Variants in TCEA3 observed in about 807,000 individuals in gnomAD.
TCEA3 encodes the protein transcription elongation factor A protein 3.
A neutral mutation model predicts 44.0 loss-of-function variants in TCEA3; 36 were observed. The observed-to-expected ratio is 0.82, with a 90% confidence interval of 0.63 to 1.08. The LOEUF is 1.08. Ranked by LOEUF, TCEA3 falls within the 50% of genes least tolerant of loss-of-function variation. The probability of loss-of-function intolerance (pLI) is 0.00; values close to 1 mark genes in which losing one functional copy is unlikely to be tolerated. For missense variants in TCEA3, 392 were observed against 441.2 expected (o/e 0.89, Z 1.00); for synonymous variants, 162 against 159.7 (o/e 1.01, Z -0.11).
chr1:23,393,774 C>A, intron 8 of TCEA3, 105 bp downstream of exon 8: 2 of 1,444,832 alleles, frequency 1.4e-6, no homozygotes, highest in East Asian at 2.5e-5. Flanking sequence ...GTTTGAAAAG[C>A]TCCCTGGCTC....
Position 23,417,256 on chromosome 1 carries a change from TG to T in TCEA3, c.372del (p.Thr126ProfsTer41). The T allele has an allele frequency of 1.2e-6, 2 of 1,613,750 alleles. No homozygotes were observed. The highest frequency in any genetic ancestry group is 1.7e-6 in the Non-Finnish European group (2 of 1,179,836). Reference sequence around the variant, plus strand: ...CATCCCAAAAAAGAATACCTGGTTTTGGGGTCTTCTCGTTTTTTCCTTGGTG... The same window carrying T: ...CATCCCAAAAAAGAATACCTGGTTTTGGGTCTTCTCGTTTTTTCCTTGGTG... ...LSPPRKKRED[P>X]KTRRDSVDSK... On this transcript the variant is annotated frameshift_variant, in exon 4 of 11. Coordinates refer to ENST00000450454, the MANE Select transcript of TCEA3 (RefSeq NM_003196.3). LOFTEE classifies it high-confidence loss of function.
chr1:23,397,628 A>G (rs761520326), intron 6 of TCEA3, 27 bp from the exon 7 acceptor site: 7 of 1,612,476 alleles, frequency 4.3e-6, no homozygotes, highest in South Asian at 3.3e-5. Flanking sequence ...AAATACAGGT[A>G]TCAGCCAGAC....
Position 23,417,323 on chromosome 1 carries a change from C to T in TCEA3, c.306G>A (p.Gly102=), listed in dbSNP as rs754654260. ...CTGGCTTCCAGTCTGAACACTCAAG[C>T]CCTTTTTCCTTCTTCTTTGCCTTTT... ...EREKAKKKEK[G]LECSDWKPEA... is the part of the protein sequence containing the mutation. The change falls in exon 4 of 11, where the codon GGG becomes GGA. Residue 102 remains glycine (G), a synonymous_variant. Coordinates refer to ENST00000450454, the MANE Select transcript of TCEA3 (RefSeq NM_003196.3). 1.2e-6 allele frequency: 2 copies of T among 1,614,010 alleles called. No homozygotes were observed. The highest frequency in any genetic ancestry group is 3.3e-5 in the Admixed American group (2 of 60,020).
At chr1:23,414,199 T>C (rs1639822204) in intron 4 of TCEA3, among the ~76,000 whole-genome samples, 1 of 149,784 alleles carries the variant, frequency 6.7e-6, no homozygotes, top group South Asian at 2.1e-4. Context: ...TTCAAACAAT[T>C]CTCCTCCTCA....
chr1:23,391,579 A>G (rs1295706963), intron 8 of TCEA3, among the ~76,000 whole-genome samples: 1 of 152,092 alleles, frequency 6.6e-6, no homozygotes, highest in Non-Finnish European at 1.5e-5. Flanking sequence ...GGCCCTCACT[A>G]GACACTGAAT....
chr1:23,403,773 T>C (rs958962734), intron 5 of TCEA3: 1 of 285,838 alleles, frequency 3.5e-6, no homozygotes, highest in Non-Finnish European at 6.7e-6. Context: ...GTTTCCAGAG[T>C]CCTCCTACCT....
chr1:23,413,657 C>A (rs1466789193), intron 4 of TCEA3, among the ~76,000 whole-genome samples: 1 of 152,174 alleles, frequency 6.6e-6, no homozygotes, highest in Non-Finnish European at 1.5e-5. Flanking sequence ...TGGTCTTGAA[C>A]TCCTGACCTC....
chr1:23,411,644 C>CCTTG (rs1416047593), intron 4 of TCEA3: 1 of 154,304 alleles, frequency 6.5e-6, no homozygotes, highest in Admixed American at 6.5e-5. Flanking sequence ...TTTTCCTCTG[C>CCTTG]CTAGCAAGCT....
chr1:23,381,704 C>G (rs369308518), intron 10 of TCEA3, among the ~76,000 whole-genome samples: 1 of 152,192 alleles, frequency 6.6e-6, no homozygotes, highest in Non-Finnish European at 1.5e-5. Context: ...AATGGCAATT[C>G]GGTGCCAGGA....
rs1014977171 is a variant in TCEA3, at chr1:23,404,093, G to A, written c.443+4571C>T. On this transcript the variant is annotated intron_variant, in intron 5 of 10. Transcript: ENST00000450454. ...CCCCAGGTCTGAGTAGAGGCATCTG[G>A]AGGCCGGGCCCGCTGCTTCTGTGCG... 4 of 702,158 alleles carry A rather than the reference G, an allele frequency of 5.7e-6. No individual in the cohort carries two copies. In the African/African-American group the frequency reaches 7.0e-5, roughly 12 times the overall value. 43.5% of individuals were successfully genotyped at this position (702,158 alleles called of 1,614,324 possible).
At chr1:23,419,205 G>A in intron 1 of TCEA3, 66 bp from the exon 2 acceptor site, 1 of 1,307,488 alleles carries the variant, frequency 7.6e-7, no homozygotes, top group Non-Finnish European at 1.1e-6. Flanking sequence ...ACTATTGTGT[G>A]GTCTTGGTAC....
intron 8 of TCEA3, among the ~76,000 whole-genome samples, chr1:23,390,071 GGTGGTTAACT>G (rs1393637940): frequency 1.3e-5 from 2 of 152,202 alleles, no homozygotes; most frequent in Non-Finnish European, 2.9e-5. Flanking sequence ...AACAGGGTAT[GGTGGTTAACT>G]GTTTGGGGTC....
chr1:23,400,725 G>T (rs1219765533), intron 5 of TCEA3, among the ~76,000 whole-genome samples: 5 of 152,124 alleles, frequency 3.3e-5, no homozygotes, highest in Non-Finnish European at 7.4e-5. Flanking sequence ...TCCCCTCCTG[G>T]AGTGAAATTA....
chr1:23,384,294 C>T (rs367881397), intron 10 of TCEA3, 52 bp downstream of exon 10: 97 of 1,612,646 alleles, frequency 6.0e-5, no homozygotes, highest in African/African-American at 2.0e-4. Context: ...ACGCCTTATG[C>T]GGGCGAGGTA....
At chr1:23,411,216 G>T (rs377072944) in intron 4 of TCEA3, 2 of 151,874 alleles carry the variant, frequency 1.3e-5, no homozygotes, top group African/African-American at 4.8e-5. Flanking sequence ...GAGTGCAGGG[G>T]CACCATCTTG....
intron 8 of TCEA3, among the ~76,000 whole-genome samples, chr1:23,389,072 A>G (rs760479419): frequency 7.2e-5 from 11 of 152,192 alleles, no homozygotes; most frequent in Non-Finnish European, 1.6e-4. Flanking sequence ...GCTAGGCCCT[A>G]ACCAATGGCA....
chr1:23,386,949 T>C (rs751514382), intron 9 of TCEA3, among the ~76,000 whole-genome samples: 17 of 151,886 alleles, frequency 1.1e-4, no homozygotes, highest in Non-Finnish European at 2.2e-4. Context: ...CTCAATCTCC[T>C]GACCTCGTGA....
At chr1:23,383,911 C>T in intron 10 of TCEA3, 1 of 1,008,684 alleles carries the variant, frequency 9.9e-7, no homozygotes, top group Non-Finnish European at 1.2e-6. Flanking sequence ...CATTTAGGTT[C>T]AACTCCTTTC....
At position 23,407,732 on chromosome 1, in the gene TCEA3, C is replaced by T. The variant is rs574273195; in HGVS notation, c.443+932G>A. Among the ~76,000 whole-genome samples, 19 of 152,130 alleles carry T rather than the reference C, an allele frequency of 1.2e-4. No homozygotes were observed. The East Asian group carries it at 2.3e-3, about 19-fold the overall frequency. On this transcript the variant is annotated intron_variant, in intron 5 of 10. Transcript: ENST00000450454. The stretch of plus-strand genomic sequence containing the variant: ...CTCCCCCTACTTAGAATAAAGGCCC[C>T]CATCACTGCAGGGATTTTTGTCTCT...
Sources: allele counts gnomAD v4.1 joint callset (sites outside exome capture counted in the v4.1 genomes callset), GRCh38; gene constraint gnomAD v4.1.1; transcripts MANE v1.5; gene names NCBI Gene and HGNC (gene_info 2026-07-23, HGNC 2026-07-21).